VASH2: variants seen among roughly 807,000 people sequenced by gnomAD.
The protein encoded by VASH2 is vasohibin 2, also known as tubulinyl-Tyr carboxypeptidase 2.
VASH2 carries 28 observed loss-of-function variants against 37.2 expected under a neutral mutation model. The ratio of observed to expected loss-of-function variants is 0.75; its 90% CI spans 0.56 to 1.03. VASH2 has a LOEUF of 1.03. Among genes scored for constraint, VASH2 ranks in the 50% least tolerant of loss-of-function variants. The pLI, the probability that VASH2 is intolerant of heterozygous loss-of-function variation, is 0.00. For synonymous variants in VASH2, 188 were observed against 174.7 expected, an observed-to-expected ratio of 1.08 and a Z score of -0.60; for missense variants, 419 against 459.1, an observed-to-expected ratio of 0.91 and a Z score of 0.80.
chr1:212,973,545 A>C (rs1667074393), intron 6 of VASH2: 3 of 1,287,634 alleles, frequency 2.3e-6, no homozygotes, highest in Admixed American at 2.3e-5. Flanking sequence ...ATCAATTAAA[A>C]CCATTCTGTC....
chr1:212,965,371 C>T (rs906808568), intron 3 of VASH2, among the ~76,000 whole-genome samples: 1 of 152,160 alleles, frequency 6.6e-6, no homozygotes, highest in African/African-American at 2.4e-5. Flanking sequence ...CATAGCAAGA[C>T]CATGTCTTAA....
rs185604427 is a variant in VASH2, at chr1:212,974,115, A to G, written c.995+45A>G. 31 of 1,562,986 alleles carry G rather than the reference A, an allele frequency of 2.0e-5. No individual in the cohort carries two copies. The African/African-American group carries it at 3.6e-4, about 18-fold the overall frequency. On this transcript the variant is annotated intron_variant, in intron 7 of 7. Transcript: ENST00000517399. ...CCCCAACTCAAAGCCCAACACACAC[A>G]TTCAAGGGGTTGTCCTGGCCCATGG...
chr1:212,985,857 C>T (rs565684579), intron 7 of VASH2, among the ~76,000 whole-genome samples: 1 of 152,320 alleles, frequency 6.6e-6, no homozygotes, highest in East Asian at 1.9e-4. Flanking sequence ...CACCACACTT[C>T]CATGTAAATC....
At chr1:212,965,652 T>A in intron 3 of VASH2, 70 bp from the exon 4 acceptor site, 1 of 1,387,356 alleles carries the variant, frequency 7.2e-7, no homozygotes, top group Non-Finnish European at 1.0e-6. Flanking sequence ...TCAGAATGCA[T>A]AGCTTTCTCT....
chr1:212,969,140 CAG>C, intron 5 of VASH2: 1 of 985,016 alleles, frequency 1.0e-6, no homozygotes. Context: ...CTGCTGAACT[CAG>C]GGAAATTTGA....
At chr1:212,954,625 G>T (rs1302154864) in intron 2 of VASH2, among the ~76,000 whole-genome samples, 1 of 152,040 alleles carries the variant, frequency 6.6e-6, no homozygotes, top group African/African-American at 2.4e-5. Flanking sequence ...TCACCATATT[G>T]GTCAGGCTGG....
intron 3 of VASH2, 195 bp downstream of exon 3, chr1:212,961,449 C>G: frequency 8.0e-7 from 1 of 1,250,640 alleles, no homozygotes; most frequent in South Asian, 1.6e-5. Flanking sequence ...CCCAGTAGGG[C>G]AGGCTGGTTC....
At position 212,972,946 on chromosome 1, in the gene VASH2, G is replaced by A; in HGVS notation, c.864G>A (p.Arg288=). 1 of 1,612,032 alleles carries A rather than the reference G, an allele frequency of 6.2e-7. No homozygotes were observed. ...DIRKELEKYA[R]DMRMKILKPA... ...GGAAGGAGCTGGAGAAATATGCCAG[G>A]GACATGAGAATGAAGGTGGGTGCTG... The change falls in exon 6 of 8, where the codon AGG becomes AGA. Residue 288 remains arginine, a synonymous_variant. Coordinates refer to ENST00000517399, the MANE Select transcript of VASH2 (RefSeq NM_001301056.2).
In VASH2 at chr1:212,972,705, G is replaced by A. The variant is rs190097084; in HGVS notation, c.623G>A (p.Gly208Asp). 6.2e-7 allele frequency: 1 copy of A among 1,614,222 alleles called. No individual in the cohort carries two copies. Among genetic ancestry groups the A allele is most frequent in the Non-Finnish European group, 8.5e-7 (1 of 1,180,056 alleles). Residue 208 changes from glycine (G) to aspartate (D), a missense_variant, in exon 6 of 8, where the codon GGC (glycine) becomes GAC (aspartate). Coordinates refer to ENST00000517399, the MANE Select transcript of VASH2 (RefSeq NM_001301056.2). ...TGCAATGGCCGCTATGGCTCATTGG[G>A]CATGAGCCGCAGGGCTGAGCTGATG... ...IYCNGRYGSL[G>D]MSRRAELMDK...
At position 212,988,590 on chromosome 1, in the gene VASH2, C is replaced by G. The variant is rs2075823156; in HGVS notation, c.*6C>G. Reference sequence around the variant, plus strand: ...GCTATCAAATCCGAATTTAGCCAAGCCATACCGGCCAGCAAGAGGGTTTCT... The same window carrying G: ...GCTATCAAATCCGAATTTAGCCAAGGCATACCGGCCAGCAAGAGGGTTTCT... On this transcript the variant is annotated 3_prime_UTR_variant, in exon 8 of 8. Coordinates refer to ENST00000517399, the MANE Select transcript of VASH2 (RefSeq NM_001301056.2). 2 of 1,613,948 alleles carry G rather than the reference C, an allele frequency of 1.2e-6. No homozygotes were observed. The highest frequency in any genetic ancestry group is 2.7e-5 in the African/African-American group (2 of 74,918).
At chr1:212,963,975 C>G (rs905134024) in intron 3 of VASH2, among the ~76,000 whole-genome samples, 2 of 152,134 alleles carry the variant, frequency 1.3e-5, no homozygotes, top group African/African-American at 4.8e-5. Flanking sequence ...TCATTTTCCT[C>G]TTTTACCTCT....
chr1:212,981,254 C>T (rs1002701414), intron 7 of VASH2, among the ~76,000 whole-genome samples: 1 of 152,202 alleles, frequency 6.6e-6, no homozygotes, highest in African/African-American at 2.4e-5. Context: ...TTGGCTGAGG[C>T]CTCTGTTTAC....
intron 7 of VASH2, among the ~76,000 whole-genome samples, chr1:212,988,282 C>G (rs1243785869): frequency 6.6e-6 from 1 of 152,166 alleles, no homozygotes; most frequent in Non-Finnish European, 1.5e-5. Context: ...ACCCTGAAAA[C>G]TTTTCTGAAC....
In VASH2 at chr1:212,990,880, C is replaced by T. The variant is rs535171167; in HGVS notation, c.*2296C>T. ...AAAAAAATACGGGAGAGGCACCAAA[C>T]CCCTAAATTCTAGTGCAATAATTTA... On this transcript the variant is annotated 3_prime_UTR_variant, in exon 8 of 8. Transcript: ENST00000517399. 3.9e-5 allele frequency: 6 copies of T among 152,242 alleles called. No homozygotes were observed. The South Asian group carries it at 1.2e-3, about 32-fold the overall frequency. The allele number at this position is 152,242 out of a possible 1,614,324, so 9.4% of individuals were successfully genotyped here. A position where few individuals can be genotyped will look rare whatever the true frequency, so the allele number is the denominator to read the frequency against.
At chr1:212,976,441 G>A (rs562788803) in intron 7 of VASH2, among the ~76,000 whole-genome samples, 1 of 152,246 alleles carries the variant, frequency 6.6e-6, no homozygotes, top group South Asian at 2.1e-4. Flanking sequence ...AAATTAGCCA[G>A]GCATGGTGAT....
rs1666325699 is a variant in VASH2 at position 212,951,942 on chromosome 1, C to T, written c.276+124C>T. 7.7e-6 allele frequency: 9 copies of T among 1,166,090 alleles called. No homozygotes were observed. The highest frequency in any genetic ancestry group is 2.4e-4 in the Middle Eastern group (1 of 4,206). 72.2% of individuals were successfully genotyped at this position (1,166,090 alleles called of 1,614,324 possible). A position where few individuals can be genotyped will look rare whatever the true frequency, so the allele number is the denominator to read the frequency against. ...TCCTAGTCCTGCTACAAACTCCCTTCCTCTCCCCATTCCTTCCTGCCAGCC... is the reference window on the plus strand; with the variant it reads ...TCCTAGTCCTGCTACAAACTCCCTTTCTCTCCCCATTCCTTCCTGCCAGCC... On this transcript the variant is annotated intron_variant, in intron 2 of 7. Coordinates refer to ENST00000517399, the MANE Select transcript of VASH2 (RefSeq NM_001301056.2). The surrounding 1 kb of genome is among the most constrained non-coding windows in gnomAD (Gnocchi z 4.4).
rs539575963 is a variant in VASH2, at chr1:212,973,100, T to C, written c.879+139T>C. The C allele has an allele frequency of 2.7e-6, 3 of 1,110,050 alleles. No homozygotes were observed. The East Asian group carries it at 7.8e-5, about 29-fold the overall frequency. The allele number at this position is 1,110,050 out of a possible 1,614,324, so 68.8% of individuals were successfully genotyped here. On this transcript the variant is annotated intron_variant, in intron 6 of 7. Transcript: ENST00000517399. ...TAAAGTCTCTCTTTGCACATACTAC[T>C]GCAAAGAAAGCCATCTAAAATCAAT...
intron 7 of VASH2, among the ~76,000 whole-genome samples, chr1:212,980,120 A>G (rs77127958): frequency 0.035 from 5,341 of 152,294 alleles, 293 homozygotes; most frequent in African/African-American, 0.12. Flanking sequence ...ACCCTGCCCA[A>G]TAAAGAACCG....
intron 7 of VASH2, among the ~76,000 whole-genome samples, chr1:212,976,736 T>C (rs1667185149): frequency 6.7e-6 from 1 of 148,858 alleles, no homozygotes; most frequent in Non-Finnish European, 1.5e-5. Flanking sequence ...AGTGCAAAGC[T>C]ACCTTCTGGT....
Sources: allele counts gnomAD v4.1 joint callset (sites outside exome capture counted in the v4.1 genomes callset), GRCh38; gene constraint gnomAD v4.1.1; non-coding constraint Gnocchi (gnomAD v3.1); transcripts MANE v1.5; gene names NCBI Gene and HGNC (gene_info 2026-07-23, HGNC 2026-07-21).